PCSK2: variants seen among roughly 807,000 people sequenced by gnomAD.
PCSK2 encodes the protein proprotein convertase subtilisin/kexin type 2, also known as neuroendocrine convertase 2.
A neutral mutation model predicts 69.7 loss-of-function variants in PCSK2; 14 were observed. That is an observed-to-expected ratio of 0.20 (90% CI 0.13 to 0.31). The LOEUF is 0.31. Among genes scored for constraint, PCSK2 ranks in the 10% least tolerant of loss-of-function variants. The probability of loss-of-function intolerance (pLI) is 1.00; values close to 1 mark genes in which losing one functional copy is unlikely to be tolerated. For synonymous variants in PCSK2, 307 were observed against 320.7 expected, an observed-to-expected ratio of 0.96 and a Z score of 0.46; for missense variants, 544 against 842.5, an observed-to-expected ratio of 0.65 and a Z score of 4.39.
intron 1 of PCSK2, among the ~76,000 whole-genome samples, chr20:17,232,443 C>G (rs1229731886): frequency 1.3e-5 from 2 of 152,318 alleles, no homozygotes; most frequent in East Asian, 3.9e-4. Flanking sequence ...AAGTTAAACA[C>G]CTCTTCATAT....
intron 6 of PCSK2, among the ~76,000 whole-genome samples, chr20:17,421,812 A>C: frequency 3.1e-5 from 1 of 32,282 alleles, no homozygotes; most frequent in Non-Finnish European, 8.6e-5. Flanking sequence ...AGAGGTAAAA[A>C]AAAAAAAAAA....
chr20:17,480,275 C>T (rs1416220334), intron 11 of PCSK2, among the ~76,000 whole-genome samples: 3 of 149,454 alleles, frequency 2.0e-5, no homozygotes, highest in African/African-American at 7.4e-5. Context: ...CTGCAAGCTC[C>T]GCCTCCCGGG....
At chr20:17,467,439 G>A (rs1047312643) in intron 11 of PCSK2, among the ~76,000 whole-genome samples, 1 of 152,186 alleles carries the variant, frequency 6.6e-6, no homozygotes, top group Non-Finnish European at 1.5e-5. Flanking sequence ...CAAGTCTAAT[G>A]GCCACAATAA....
At chr20:17,344,780 G>C (rs184771558) in intron 2 of PCSK2, among the ~76,000 whole-genome samples, 1 of 152,140 alleles carries the variant, frequency 6.6e-6, no homozygotes, top group Admixed American at 6.5e-5. Flanking sequence ...ACTTTGGAAG[G>C]CTCTTTTCCC....
chr20:17,265,263 C>T (rs1490323343), intron 2 of PCSK2, among the ~76,000 whole-genome samples: 5 of 152,178 alleles, frequency 3.3e-5, no homozygotes, highest in Non-Finnish European at 7.3e-5. Flanking sequence ...ACCATGACTG[C>T]ATGAGAGCCT....
chr20:17,284,300 G>A (rs1988436537), intron 2 of PCSK2, among the ~76,000 whole-genome samples: 1 of 152,128 alleles, frequency 6.6e-6, no homozygotes, highest in African/African-American at 2.4e-5. Context: ...AACTCTGACT[G>A]CTCCATCACT....
chr20:17,466,209 C>A (rs1021991576), intron 11 of PCSK2, among the ~76,000 whole-genome samples: 2 of 152,206 alleles, frequency 1.3e-5, no homozygotes, highest in Admixed American at 6.5e-5. Flanking sequence ...CCATTAACAT[C>A]CCCATGCCAG....
At chr20:17,348,344 GA>G (rs2029879719) in intron 2 of PCSK2, among the ~76,000 whole-genome samples, 2 of 152,192 alleles carry the variant, frequency 1.3e-5, no homozygotes, top group Non-Finnish European at 2.9e-5. Flanking sequence ...AGGTGTTTTG[GA>G]ACAAGGGAAG....
At chr20:17,266,778 G>A (rs1430918880) in intron 2 of PCSK2, among the ~76,000 whole-genome samples, 1 of 152,104 alleles carries the variant, frequency 6.6e-6, no homozygotes, top group Non-Finnish European at 1.5e-5. Flanking sequence ...TGAGGCAAAG[G>A]AACCGGACCT....
At position 17,409,250 on chromosome 20, in the gene PCSK2, TTG is replaced by T; in HGVS notation, c.544-9_544-8del. ...GGCTGTACGGACCTAATGAGATGCCTTGTGTTTTTCAGAATGCCGAAGCAAGT... is the reference window on the plus strand; with the variant it reads ...GGCTGTACGGACCTAATGAGATGCCTTGTTTTTCAGAATGCCGAAGCAAGT... On this transcript the variant is annotated splice_polypyrimidine_tract_variant and intron_variant, in intron 5 of 11. Transcript: ENST00000262545. 6.2e-7 allele frequency: 1 copy of T among 1,611,246 alleles called. No individual in the cohort carries two copies. Among genetic ancestry groups the T allele is most frequent in the Non-Finnish European group, 8.5e-7 (1 of 1,177,396 alleles).
chr20:17,465,543 C>A lies in PCSK2; in HGVS notation c.1420C>A (p.Gln474Lys). ...ATTCCACTGTGTGGGAGGCTCCGTG[C>A]AGGACCCTGAGTAAGTGGGGGTAGT... ...ERFHCVGGSV[Q>K]DPEKIPSTGK... The change falls in exon 11 of 12, where the codon CAG becomes AAG. Residue 474 changes from glutamine to lysine, a missense_variant. By Grantham distance (53) the Gln-to-Lys change is moderately conservative. This residue lies in a region of PCSK2 where 200 missense variants were observed against 287.8 expected (regional missense o/e 0.69). Transcript: ENST00000262545. The A allele has an allele frequency of 6.3e-7, 1 of 1,586,738 alleles. No homozygotes were observed. The highest frequency in any genetic ancestry group is 8.6e-7 in the Non-Finnish European group (1 of 1,163,450).
chr20:17,292,695 G>A (rs184586317), intron 2 of PCSK2, among the ~76,000 whole-genome samples: 28 of 152,270 alleles, frequency 1.8e-4, no homozygotes, highest in African/African-American at 6.5e-4. Context: ...ATTCACATCT[G>A]GTGGGTTCTT....
At chr20:17,370,773 G>T (rs117276421) in intron 5 of PCSK2, among the ~76,000 whole-genome samples, 1 of 152,170 alleles carries the variant, frequency 6.6e-6, no homozygotes, top group African/African-American at 2.4e-5. Flanking sequence ...GGCTGACTCC[G>T]CTAGTGCCTT....
chr20:17,412,577 G>A (rs1568638614), intron 6 of PCSK2, among the ~76,000 whole-genome samples: 1 of 152,180 alleles, frequency 6.6e-6, no homozygotes, highest in Non-Finnish European at 1.5e-5. Context: ...AAACTGACAG[G>A]GAGAATGGAA....
At chr20:17,479,225 T>C in intron 11 of PCSK2, 1 of 1,328,758 alleles carries the variant, frequency 7.5e-7, no homozygotes, top group Admixed American at 1.7e-5. Flanking sequence ...TCTGGACCAC[T>C]GCACATTTCA....
chr20:17,367,139 T>TA, intron 4 of PCSK2, among the ~76,000 whole-genome samples: 1 of 151,954 alleles, frequency 6.6e-6, no homozygotes, highest in Non-Finnish European at 1.5e-5. Flanking sequence ...TATTTAGGTA[T>TA]AAATTATCAA....
intron 2 of PCSK2, among the ~76,000 whole-genome samples, chr20:17,348,055 GAAAGAAA>G (rs1568612677): frequency 0.054 from 2,334 of 43,186 alleles, 125 homozygotes; most frequent in African/African-American, 0.16. Flanking sequence ...AGAAAGGAAA[GAAAGAAA>G]GAAAGAAAGA....
chr20:17,478,704 C>T (rs2033335607), intron 11 of PCSK2, among the ~76,000 whole-genome samples: 1 of 152,136 alleles, frequency 6.6e-6, no homozygotes, highest in Admixed American at 6.5e-5. Flanking sequence ...ATCCTTGCAG[C>T]TTATTTGTTC....
intron 2 of PCSK2, among the ~76,000 whole-genome samples, chr20:17,262,891 T>G (rs1987445113): frequency 6.6e-6 from 1 of 152,192 alleles, no homozygotes; most frequent in African/African-American, 2.4e-5. Flanking sequence ...TTCCCTGAAA[T>G]GTACTGTCTC....
Sources: allele counts gnomAD v4.1 joint callset (sites outside exome capture counted in the v4.1 genomes callset), GRCh38; gene constraint gnomAD v4.1.1; regional missense constraint gnomAD v4.1.1; transcripts MANE v1.5; gene names NCBI Gene and HGNC (gene_info 2026-07-23, HGNC 2026-07-21).